The following HCRTR2 variants were observed in gnomAD, a reference collection of about 807,000 sequenced individuals.
HCRTR2 encodes the protein orexin receptor type 2.
A neutral mutation model predicts 49.0 loss-of-function variants in HCRTR2; 22 were observed. The ratio of observed to expected loss-of-function variants is 0.45; its 90% CI spans 0.32 to 0.64. The LOEUF is 0.64. Ranked by LOEUF, HCRTR2 falls within the 30% of genes least tolerant of loss-of-function variation. The probability of loss-of-function intolerance (pLI) is 0.04; values close to 1 mark genes in which losing one functional copy is unlikely to be tolerated. For synonymous variants in HCRTR2, 236 were observed against 205.3 expected, an observed-to-expected ratio of 1.15 and a Z score of -1.28; for missense variants, 491 against 559.4, an observed-to-expected ratio of 0.88 and a Z score of 1.23.
chr6:55,128,653 T>A (rs1243272073), intron 1 of HCRTR2, among the ~76,000 whole-genome samples: 1 of 152,170 alleles, frequency 6.6e-6, no homozygotes. Flanking sequence ...TTAGCAGTAT[T>A]CCTAAATATT....
At chr6:55,164,081 C>G (rs1253871772) in intron 1 of HCRTR2, among the ~76,000 whole-genome samples, 1 of 152,186 alleles carries the variant, frequency 6.6e-6, no homozygotes, top group Non-Finnish European at 1.5e-5. Context: ...GAGATACCAT[C>G]TCACTCCAGT....
rs143370292 is a variant in HCRTR2 at position 55,160,070 on chromosome 6, T to C, written c.-377-14141T>C. On this transcript the variant is annotated intron_variant, in intron 1 of 7. Transcript: ENST00000615358. ...CCAAGGTTGAAATACAGGAAAAAAG[T>C]TAAGGGCAGCCAGAGAGAAAGGTCG... Among the ~76,000 whole-genome samples, 655 of 152,084 alleles carry C rather than the reference T, an allele frequency of 4.3e-3. 7 individuals are homozygous for C. Among genetic ancestry groups the C allele is most frequent in the African/African-American group, 0.015 (613 of 41,492 alleles).
chr6:55,271,113 A>G (rs539849228), intron 4 of HCRTR2, among the ~76,000 whole-genome samples: 1 of 152,282 alleles, frequency 6.6e-6, no homozygotes, highest in South Asian at 2.1e-4. Context: ...CTTGAAAAAG[A>G]AATGGAAAAC....
chr6:55,116,456 AAGAG>A (rs199975021), intron 1 of HCRTR2, among the ~76,000 whole-genome samples: 3,722 of 151,526 alleles, frequency 0.025, 57 homozygotes, highest in Middle Eastern at 0.058. Context: ...GAGATAGAAA[AAGAG>A]AGAGTTGGAA....
chr6:55,179,966 C>T (rs1341482979), intron 1 of HCRTR2, among the ~76,000 whole-genome samples: 2 of 152,146 alleles, frequency 1.3e-5, no homozygotes, highest in African/African-American at 4.8e-5. Context: ...TCTTCTCCAC[C>T]CTAAGGAATG....
intron 2 of HCRTR2, among the ~76,000 whole-genome samples, chr6:55,254,393 G>A (rs1215617038): frequency 2.0e-5 from 3 of 152,004 alleles, no homozygotes; most frequent in Non-Finnish European, 4.4e-5. Context: ...ATTTTTTGTT[G>A]TTGTTATTTC....
chr6:55,204,274 T>C (rs944264704), intron 1 of HCRTR2, among the ~76,000 whole-genome samples: 2 of 151,962 alleles, frequency 1.3e-5, no homozygotes, highest in African/African-American at 4.8e-5. Flanking sequence ...CTGAGATGTG[T>C]GTTCTACACC....
chr6:55,253,861 G>A (rs565498695), intron 2 of HCRTR2, among the ~76,000 whole-genome samples: 48 of 152,040 alleles, frequency 3.2e-4, no homozygotes, highest in African/African-American at 9.6e-4. Context: ...GGAACAACAC[G>A]CACTGGGGCC....
intron 1 of HCRTR2, among the ~76,000 whole-genome samples, chr6:55,164,125 C>T (rs1764843962): frequency 6.6e-6 from 1 of 152,150 alleles, no homozygotes. Flanking sequence ...CAGGAAACAA[C>T]AGATGCTGGA....
intron 1 of HCRTR2, among the ~76,000 whole-genome samples, chr6:55,241,400 C>G (rs1326698790): frequency 6.6e-6 from 1 of 152,048 alleles, no homozygotes. Flanking sequence ...GGTTCAAATG[C>G]TTTCACTGAC....
At chr6:55,179,113 A>T (rs1267590965) in intron 1 of HCRTR2, among the ~76,000 whole-genome samples, 2 of 152,202 alleles carry the variant, frequency 1.3e-5, no homozygotes, top group African/African-American at 2.4e-5. Context: ...CTACAGAGTT[A>T]GTCTTGTGTC....
intron 1 of HCRTR2, among the ~76,000 whole-genome samples, chr6:55,123,467 G>C (rs547193222): frequency 6.6e-6 from 1 of 152,084 alleles, no homozygotes; most frequent in Non-Finnish European, 1.5e-5. Context: ...TGCATTCCAG[G>C]TATGAAGCCA....
intron 1 of HCRTR2, among the ~76,000 whole-genome samples, chr6:55,114,508 C>A (rs2127611611): frequency 6.6e-6 from 1 of 151,778 alleles, no homozygotes; most frequent in East Asian, 1.9e-4. Flanking sequence ...TATGTTTCCA[C>A]CAAATTCCGA....
At chr6:55,137,371 T>C (rs1341550682) in intron 1 of HCRTR2, among the ~76,000 whole-genome samples, 1 of 152,164 alleles carries the variant, frequency 6.6e-6, no homozygotes, top group Non-Finnish European at 1.5e-5. Context: ...CGGACAATTC[T>C]TATTTAGGGA....
upstream of HCRTR2, among the ~76,000 whole-genome samples, chr6:55,173,719 G>T (rs745892253): frequency 2.0e-4 from 31 of 152,126 alleles, no homozygotes; most frequent in Non-Finnish European, 2.9e-5. Flanking sequence ...GACACTTGGC[G>T]TCCTTCAAGA....
intron 1 of HCRTR2, among the ~76,000 whole-genome samples, chr6:55,183,196 C>G (rs1194915421): frequency 6.6e-6 from 1 of 152,060 alleles, no homozygotes; most frequent in Non-Finnish European, 1.5e-5. Context: ...GATGGTTGCA[C>G]AGAATGTAGT....
intron 4 of HCRTR2, among the ~76,000 whole-genome samples, chr6:55,267,924 A>G (rs114003510): frequency 0.017 from 2,646 of 152,334 alleles, 74 homozygotes; most frequent in African/African-American, 0.06. Context: ...AAAGGTAACT[A>G]CATAGGTAAA....
At chr6:55,117,683 T>G (rs1359931186) in intron 1 of HCRTR2, among the ~76,000 whole-genome samples, 6 of 148,332 alleles carry the variant, frequency 4.0e-5, no homozygotes, top group Non-Finnish European at 8.9e-5. Flanking sequence ...CTGCATACTC[T>G]CCATCCACAG....
chr6:55,169,691 C>T (rs35592221), upstream of HCRTR2, among the ~76,000 whole-genome samples: 1,319 of 152,150 alleles, frequency 8.7e-3, 10 homozygotes, highest in Middle Eastern at 0.031. Context: ...ATCATCATTA[C>T]CAACAGTGCT....
Sources: gnomAD v4.1 joint callset for allele counts (sites outside exome capture counted in the v4.1 genomes callset) on GRCh38, gnomAD v4.1.1 for gene constraint, MANE v1.5 for transcripts, NCBI Gene and HGNC (gene_info 2026-07-23, HGNC 2026-07-21) for gene names.